Variants in ANKRD44 observed in about 807,000 individuals in gnomAD.
ANKRD44 encodes the protein ankyrin repeat domain 44, also known as serine/threonine-protein phosphatase 6 regulatory ankyrin repeat subunit B.
A neutral mutation model predicts 116.0 loss-of-function variants in ANKRD44; 35 were observed. That is an observed-to-expected ratio of 0.30 (90% CI 0.23 to 0.40). The LOEUF is 0.40. Ranked by LOEUF, ANKRD44 falls within the 10% of genes least tolerant of loss-of-function variation. ANKRD44 has a pLI of 1.00. For synonymous variants in ANKRD44, 435 were observed against 461.8 expected, an observed-to-expected ratio of 0.94 and a Z score of 0.74; for missense variants, 1,014 against 1,242.6, an observed-to-expected ratio of 0.82 and a Z score of 2.77.
chr2:197,100,435 A>T (rs562823799), intron 9 of ANKRD44, among the ~76,000 whole-genome samples: 3 of 151,842 alleles, frequency 2.0e-5, no homozygotes, highest in African/African-American at 7.2e-5. Context: ...ACTCCGTCTC[A>T]AAAAAAAAGA....
rs534066420 is a variant in ANKRD44 at position 197,040,061 on chromosome 2, TACTAAAAATACA to T, written c.1651-14806_1651-14795del. ...GGCCAATATGGTGAAACCCCATCTCTACTAAAAATACAACTAAAAATACAGAAATTAGCCAGG... is the reference window on the plus strand; with the variant it reads ...GGCCAATATGGTGAAACCCCATCTCTACTAAAAATACAGAAATTAGCCAGG... On this transcript the variant is annotated intron_variant, in intron 16 of 27. Transcript: ENST00000282272. Among the ~76,000 whole-genome samples, 21 of 152,062 alleles carry T rather than the reference TACTAAAAATACA, an allele frequency of 1.4e-4. No homozygotes were observed. In the South Asian group the frequency reaches 4.2e-3, roughly 30 times the overall value.
At position 196,986,898 on chromosome 2, in the gene ANKRD44, G is replaced by A. The variant is rs1194735443; in HGVS notation, c.*2693C>T. On this transcript the variant is annotated 3_prime_UTR_variant, in exon 28 of 28. Transcript: ENST00000282272. ...AGTCATTCAACTCCAATTTACATAAGAAAACATTATAGACAAAATCCCACT... is the reference window on the plus strand; with the variant it reads ...AGTCATTCAACTCCAATTTACATAAAAAAACATTATAGACAAAATCCCACT... The A allele has an allele frequency of 1.0e-6, 1 of 985,128 alleles. No individual in the cohort carries two copies. Among genetic ancestry groups the A allele is most frequent in the Non-Finnish European group, 1.2e-6 (1 of 829,856 alleles). 61.0% of individuals were successfully genotyped at this position (985,128 alleles called of 1,614,324 possible).
At position 197,181,401 on chromosome 2, in the gene ANKRD44, T is replaced by C. The variant is rs575438311; in HGVS notation, c.111+5622A>G. ...GTATGATAATGTGTGTTTCTATTAA[T>C]GATACTTTAAAAAACGAAATAAACA... On this transcript the variant is annotated intron_variant, in intron 2 of 27. Coordinates refer to ENST00000282272, the MANE Select transcript of ANKRD44 (RefSeq NM_001195144.2). Among the ~76,000 whole-genome samples the C allele has an allele frequency of 7.9e-5, 12 of 152,354 alleles. 1 individual carries two copies. In the East Asian group the frequency reaches 1.9e-3, roughly 24 times the overall value.
rs1270350487 is a variant in ANKRD44, at chr2:197,203,414, T to A, written c.28-16308A>T. Among the ~76,000 whole-genome samples the A allele has an allele frequency of 6.6e-6, 1 of 152,024 alleles. No homozygotes were observed. The highest frequency in any genetic ancestry group is 2.4e-5 in the African/African-American group (1 of 41,346). On this transcript the variant is annotated intron_variant, in intron 1 of 27. Transcript: ENST00000282272. The surrounding 1 kb of genome is among the most constrained non-coding windows in gnomAD (Gnocchi z 4.1). ...GAGATACCATTTCACACACACTAGA[T>A]GGCTAAAACAAAACAAACAAACGAA...
chr2:197,062,569 T>A (rs1004768931), intron 16 of ANKRD44, among the ~76,000 whole-genome samples: 1 of 152,188 alleles, frequency 6.6e-6, no homozygotes, highest in African/African-American at 2.4e-5. Flanking sequence ...GGTCAGGGAA[T>A]TCCCTTTCCT....
At chr2:197,053,435 TTCTG>T (rs1278520689) in intron 16 of ANKRD44, among the ~76,000 whole-genome samples, 1 of 152,184 alleles carries the variant, frequency 6.6e-6, no homozygotes, top group Non-Finnish European at 1.5e-5. Context: ...TTTATACCCA[TTCTG>T]TCTTTCTATC....
At chr2:197,180,514 G>A (rs2080477490) in intron 2 of ANKRD44, among the ~76,000 whole-genome samples, 1 of 152,076 alleles carries the variant, frequency 6.6e-6, no homozygotes, top group Non-Finnish European at 1.5e-5. Context: ...CTTACTCCCA[G>A]TGGTTTCTGA....
chr2:197,285,014 G>A (rs184956711), intron 1 of ANKRD44, among the ~76,000 whole-genome samples: 1 of 151,694 alleles, frequency 6.6e-6, no homozygotes, highest in East Asian at 1.9e-4. Flanking sequence ...TCTCTCAGAT[G>A]GCAGAAACAG....
chr2:197,035,519 C>T (rs1302908352), intron 16 of ANKRD44, among the ~76,000 whole-genome samples: 1 of 152,114 alleles, frequency 6.6e-6, no homozygotes, highest in Non-Finnish European at 1.5e-5. Context: ...CCCTGGGGAT[C>T]ACATCAAGGA....
At chr2:197,029,404 T>C in intron 16 of ANKRD44, 1 of 290,060 alleles carries the variant, frequency 3.4e-6, no homozygotes, top group Non-Finnish European at 6.6e-6. Context: ...AAGGGCTCTT[T>C]GGAGCTCTAG....
chr2:197,113,638 G>A (rs1425166043), intron 8 of ANKRD44, among the ~76,000 whole-genome samples: 1 of 152,216 alleles, frequency 6.6e-6, no homozygotes, highest in Non-Finnish European at 1.5e-5. Context: ...CAAAGCAGAA[G>A]TGATCTCTGA....
chr2:197,259,250 T>C (rs1017391412), intron 1 of ANKRD44, among the ~76,000 whole-genome samples: 4 of 152,218 alleles, frequency 2.6e-5, no homozygotes, highest in Non-Finnish European at 4.4e-5. Flanking sequence ...GAGTCCAGCA[T>C]TGCAGCTCCT....
chr2:197,144,539 A>G (rs1311341242), intron 3 of ANKRD44, among the ~76,000 whole-genome samples: 1 of 152,238 alleles, frequency 6.6e-6, no homozygotes, highest in African/African-American at 2.4e-5. Context: ...TTCCACAGGT[A>G]AATAAAATTG....
chr2:197,142,859 G>T (rs2079400077), intron 3 of ANKRD44, among the ~76,000 whole-genome samples: 1 of 151,976 alleles, frequency 6.6e-6, no homozygotes, highest in Admixed American at 6.6e-5. Context: ...AAATTCTATG[G>T]CCAGATGTGG....
intron 16 of ANKRD44, among the ~76,000 whole-genome samples, chr2:197,042,803 G>GAGGCATTTTCAGTAAATGCA (rs569237601): frequency 4.6e-5 from 7 of 152,318 alleles, no homozygotes; most frequent in South Asian, 4.1e-4. Context: ...TTCAGCCAGT[G>GAGGCATTTTCAGTAAATGCA]AGGCATTTTC....
At chr2:197,041,884 C>A (rs750921896) in intron 16 of ANKRD44, among the ~76,000 whole-genome samples, 2 of 152,086 alleles carry the variant, frequency 1.3e-5, no homozygotes, top group Non-Finnish European at 2.9e-5. Context: ...TGAATCTAAT[C>A]TAAGCTAAAC....
chr2:197,309,174 C>G (rs184476556), intron 1 of ANKRD44, among the ~76,000 whole-genome samples: 3 of 152,122 alleles, frequency 2.0e-5, no homozygotes, highest in African/African-American at 7.2e-5. Context: ...GCCCAAGACA[C>G]GCTAAAACTG....
At chr2:197,116,070 T>C (rs2078700103) in intron 8 of ANKRD44, among the ~76,000 whole-genome samples, 1 of 152,190 alleles carries the variant, frequency 6.6e-6, no homozygotes, top group Admixed American at 6.5e-5. Context: ...AATTATGCTT[T>C]TCAGCTCCAT....
chr2:197,029,762 TC>T, intron 16 of ANKRD44: 1 of 288,582 alleles, frequency 3.5e-6, no homozygotes, highest in Non-Finnish European at 6.8e-6. Context: ...TTGATATCAC[TC>T]CAGGTTTTAA....
Sources: allele counts gnomAD v4.1 joint callset (sites outside exome capture counted in the v4.1 genomes callset), GRCh38; gene constraint gnomAD v4.1.1; non-coding constraint Gnocchi (gnomAD v3.1); transcripts MANE v1.5; gene names NCBI Gene and HGNC (gene_info 2026-07-23, HGNC 2026-07-21).